The following GALNT13 variants were observed in gnomAD, a reference collection of about 807,000 sequenced individuals.
GALNT13 encodes the protein polypeptide N-acetylgalactosaminyltransferase 13.
In GALNT13, 28 loss-of-function variants were observed where a neutral mutation model predicts 64.2. That is an observed-to-expected ratio of 0.44 (90% CI 0.32 to 0.60). The LOEUF is 0.60. Ranked by LOEUF, GALNT13 falls within the 20% of genes least tolerant of loss-of-function variation. The pLI is 0.05. For synonymous variants in GALNT13, 214 were observed against 224.6 expected, an observed-to-expected ratio of 0.95 and a Z score of 0.42; for missense variants, 577 against 669.8, an observed-to-expected ratio of 0.86 and a Z score of 1.53.
At chr2:153,804,658 G>A in the GALNT13 span, among the ~76,000 whole-genome samples, 1 of 151,770 alleles carries the variant, frequency 6.6e-6, no homozygotes, top group Non-Finnish European at 1.5e-5. Context: ...TTTCTTTGAA[G>A]AAGTTCAGAG....
At chr2:154,038,541 AG>A (rs1558924311) in intron 3 of GALNT13, among the ~76,000 whole-genome samples, 1 of 152,178 alleles carries the variant, frequency 6.6e-6, no homozygotes, top group Non-Finnish European at 1.5e-5. Context: ...AATAAAAGCT[AG>A]GAAAACTGGA....
chr2:153,863,041 C>T, the GALNT13 span, among the ~76,000 whole-genome samples: 2 of 152,046 alleles, frequency 1.3e-5, no homozygotes, highest in South Asian at 2.1e-4. Context: ...TTATCCATAT[C>T]GTAACCAGAT....
intron 9 of GALNT13, among the ~76,000 whole-genome samples, chr2:154,327,065 C>T (rs887716986): frequency 2.6e-5 from 4 of 152,048 alleles, no homozygotes; most frequent in Non-Finnish European, 5.9e-5. Flanking sequence ...AAGGAAGGGA[C>T]CAGGTGGAGG....
At chr2:153,772,488 G>A in the GALNT13 span, among the ~76,000 whole-genome samples, 6 of 152,200 alleles carry the variant, frequency 3.9e-5, no homozygotes, top group South Asian at 6.2e-4. Flanking sequence ...ATGCCATCAC[G>A]GGGCTGCTTG....
At chr2:153,068,681 C>T in the GALNT13 span, among the ~76,000 whole-genome samples, 2 of 152,062 alleles carry the variant, frequency 1.3e-5, no homozygotes, top group Non-Finnish European at 2.9e-5. Flanking sequence ...TATTACTTCA[C>T]CTTGGTGTGC....
the GALNT13 span, among the ~76,000 whole-genome samples, chr2:153,116,506 A>G: frequency 6.6e-6 from 1 of 152,186 alleles, no homozygotes; most frequent in East Asian, 1.9e-4. Flanking sequence ...CATCACAATT[A>G]TTTTATGATT....
chr2:153,601,984 T>C, the GALNT13 span, among the ~76,000 whole-genome samples: 6 of 151,896 alleles, frequency 4.0e-5, no homozygotes, highest in Non-Finnish European at 5.9e-5. Context: ...AATGCTTAAA[T>C]TGGCAAATTC....
chr2:154,455,603 A>ATAG (rs1421256453), downstream of GALNT13, among the ~76,000 whole-genome samples: 10 of 151,896 alleles, frequency 6.6e-5, no homozygotes, highest in Non-Finnish European at 1.2e-4. Flanking sequence ...CCCCTTATGT[A>ATAG]TAGTACATGG....
chr2:153,233,348 T>C, the GALNT13 span, among the ~76,000 whole-genome samples: 3 of 152,124 alleles, frequency 2.0e-5, no homozygotes, highest in Admixed American at 1.3e-4. Context: ...GTTAATATTT[T>C]TTATTCCTAT....
At chr2:154,396,357 C>A (rs1699052072) in intron 10 of GALNT13, among the ~76,000 whole-genome samples, 1 of 152,052 alleles carries the variant, frequency 6.6e-6, no homozygotes, top group East Asian at 1.9e-4. Context: ...TTTAACAGTT[C>A]TAAAGCTTTT....
the GALNT13 span, among the ~76,000 whole-genome samples, chr2:153,713,650 C>T: frequency 7.9e-5 from 12 of 152,112 alleles, no homozygotes; most frequent in Non-Finnish European, 1.5e-4. Context: ...ACCCAGCTAA[C>T]TTTTTTTATT....
At chr2:153,435,417 G>C in the GALNT13 span, among the ~76,000 whole-genome samples, 4 of 151,978 alleles carry the variant, frequency 2.6e-5, no homozygotes, top group African/African-American at 9.7e-5. Context: ...AATTACCTTG[G>C]GCAGTATGGC....
chr2:154,213,234 A>G (rs749679908), intron 4 of GALNT13, among the ~76,000 whole-genome samples: 5 of 152,004 alleles, frequency 3.3e-5, no homozygotes, highest in Non-Finnish European at 7.4e-5. Context: ...TGCATGCCAC[A>G]ACACCCCGCT....
the GALNT13 span, among the ~76,000 whole-genome samples, chr2:153,200,468 T>A: frequency 6.6e-6 from 1 of 152,166 alleles, no homozygotes; most frequent in Admixed American, 6.5e-5. Context: ...TTGTGTCAGG[T>A]CCGGCCAGGG....
chr2:153,411,225 G>C, the GALNT13 span, among the ~76,000 whole-genome samples: 2 of 148,822 alleles, frequency 1.3e-5, no homozygotes, highest in Non-Finnish European at 3.0e-5. Context: ...CAGTCATATA[G>C]TAAATTCATT....
intron 3 of GALNT13, among the ~76,000 whole-genome samples, chr2:154,134,962 G>A (rs1000084443): frequency 6.6e-6 from 1 of 152,124 alleles, no homozygotes; most frequent in Admixed American, 6.5e-5. Context: ...CTCCAGCCTG[G>A]GTAACAAAGG....
the GALNT13 span, among the ~76,000 whole-genome samples, chr2:153,793,986 C>T: frequency 6.6e-6 from 1 of 152,066 alleles, no homozygotes; most frequent in African/African-American, 2.4e-5. Context: ...GTTGTAACAC[C>T]TCTTAGGGCG....
At chr2:153,481,748 C>T in the GALNT13 span, among the ~76,000 whole-genome samples, 1 of 152,112 alleles carries the variant, frequency 6.6e-6, no homozygotes, top group East Asian at 1.9e-4. Flanking sequence ...TTACAGAATG[C>T]TGATATGGAT....
At chr2:153,788,496 C>T in the GALNT13 span, among the ~76,000 whole-genome samples, 1 of 151,878 alleles carries the variant, frequency 6.6e-6, no homozygotes, top group African/African-American at 2.4e-5. Context: ...ACTACAAAAA[C>T]ACACTTAAGT....
Sources: allele counts gnomAD v4.1 joint callset (sites outside exome capture counted in the v4.1 genomes callset), GRCh38; gene constraint gnomAD v4.1.1; transcripts MANE v1.5; gene names NCBI Gene and HGNC (gene_info 2026-07-23, HGNC 2026-07-21).